The following KMT2B variants were observed in gnomAD, a reference collection of about 807,000 sequenced individuals.
KMT2B encodes lysine methyltransferase 2B, also known as histone-lysine N-methyltransferase 2B.
KMT2B carries 22 observed loss-of-function variants against 255.3 expected under a neutral mutation model. The observed-to-expected ratio is 0.09, with a 90% confidence interval of 0.06 to 0.12. The LOEUF is 0.12. Among genes scored for constraint, KMT2B ranks in the 10% least tolerant of loss-of-function variants. KMT2B has a pLI of 1.00. For synonymous variants in KMT2B, 1,730 were observed against 1,498.1 expected, an observed-to-expected ratio of 1.15 and a Z score of -3.57; for missense variants, 3,149 against 3,737.0, an observed-to-expected ratio of 0.84 and a Z score of 4.10.
At chr19:35,736,595 TG>T in intron 30 of KMT2B, 94 bp from the exon 31 acceptor site, 1 of 1,443,688 alleles carries the variant, frequency 6.9e-7, no homozygotes, top group Non-Finnish European at 9.5e-7. Flanking sequence ...CGCCTAGGGG[TG>T]GAGAGAGTGG....
chr19:35,719,689 C>A, intron 2 of KMT2B, 95 bp from the exon 3 acceptor site: 2 of 1,526,752 alleles, frequency 1.3e-6, no homozygotes, highest in East Asian at 4.5e-5. Flanking sequence ...GCGGGGGAAA[C>A]ACACAAGCAA....
chr19:35,734,006 TA>T, intron 30 of KMT2B, 134 bp downstream of exon 30: 1 of 635,902 alleles, frequency 1.6e-6, no homozygotes, highest in Non-Finnish European at 2.8e-6. Flanking sequence ...GTGCTAGAGT[TA>T]GAGATGACCT....
At position 35,738,551 on chromosome 19, in the gene KMT2B, T is replaced by C. The variant is rs1284725688; in HGVS notation, c.8142T>C (p.Leu2714=). The C allele has an allele frequency of 6.2e-7, 1 of 1,611,676 alleles. No homozygotes were observed. The highest frequency in any genetic ancestry group is 2.2e-5 in the East Asian group (1 of 44,828). Residue 2714 remains leucine (L), a synonymous_variant, in exon 37 of 37, where the codon CTT becomes CTC. Coordinates refer to ENST00000420124, the MANE Select transcript of KMT2B (RefSeq NM_014727.3). This position sits in a 1 kb window ranked among gnomAD's most constrained non-coding sequence, Gnocchi z 8.7. ...NCGAKRCRRF[L]N ...GCGCCAAGCGCTGCCGTCGGTTCCT[T>C]AACTGAGGCCGTGGCTGCCCACCAC...
Position 35,724,918 on chromosome 19 carries a change from A to G in KMT2B, c.3430-71A>G, listed in dbSNP as rs188344975. On this transcript the variant is annotated intron_variant, in intron 9 of 36. Transcript: ENST00000420124. ...GTCTGGGTCCAGTAGGCTGGGGGAAAGGCGGTGAGGAGAGGAGTCTGCATC... is the reference window on the plus strand; with the variant it reads ...GTCTGGGTCCAGTAGGCTGGGGGAAGGGCGGTGAGGAGAGGAGTCTGCATC... 7.1e-5 allele frequency: 88 copies of G among 1,246,030 alleles called. 1 individual carries two copies. The African/African-American group carries it at 1.1e-3, about 15-fold the overall frequency. The allele number at this position is 1,246,030 out of a possible 1,614,324, so 77.2% of individuals were successfully genotyped here.
intron 23 of KMT2B, 61 bp from the exon 24 acceptor site, chr19:35,730,281 T>A (rs1969640535): frequency 1.2e-6 from 2 of 1,604,584 alleles, no homozygotes; most frequent in South Asian, 2.2e-5. Context: ...CTGTTCAGAC[T>A]TCCCTGGCAT....
Position 35,725,367 on chromosome 19 carries a change from C to G in KMT2B, c.3642+34C>G. 1 of 1,558,196 alleles carries G rather than the reference C, an allele frequency of 6.4e-7. No individual in the cohort carries two copies. Among genetic ancestry groups the G allele is most frequent in the Non-Finnish European group, 8.7e-7 (1 of 1,150,172 alleles). ...TCTGCCTTTCTTCACAGACCCCCAGCTCTCTGTCGGTCCTCACGGCCTGAT... is the reference window on the plus strand; with the variant it reads ...TCTGCCTTTCTTCACAGACCCCCAGGTCTCTGTCGGTCCTCACGGCCTGAT... On this transcript the variant is annotated intron_variant, in intron 11 of 36. Transcript: ENST00000420124. The surrounding 1 kb of genome is among the most constrained non-coding windows in gnomAD (Gnocchi z 4.1).
chr19:35,731,871 G>C lies in KMT2B; in HGVS notation c.5438-37G>C, dbSNP rs200828983. 1.5e-5 allele frequency: 22 copies of C among 1,481,192 alleles called. 1 individual carries two copies. The highest frequency in any genetic ancestry group is 1.2e-4 in the Admixed American group (7 of 59,434). The allele number at this position is 1,481,192 out of a possible 1,614,324, so 91.8% of individuals were successfully genotyped here. On this transcript the variant is annotated intron_variant, in intron 26 of 36. Coordinates refer to ENST00000420124, the MANE Select transcript of KMT2B (RefSeq NM_014727.3). ...GCATGTGGGCAGGCTTTGACACAGA[G>C]CCCCTACCACCCCAATGCCATTTCT... is the stretch of plus-strand genomic sequence containing the variant.
Position 35,720,808 on chromosome 19 carries a change from A to G in KMT2B, c.1461A>G (p.Ala487=), listed in dbSNP as rs1372681353. 1 of 1,512,330 alleles carries G rather than the reference A, an allele frequency of 6.6e-7. No individual in the cohort carries two copies. Among genetic ancestry groups the G allele is most frequent in the South Asian group, 1.3e-5 (1 of 77,378 alleles). The allele number at this position is 1,512,330 out of a possible 1,614,324, so 93.7% of individuals were successfully genotyped here. Residue 487 remains alanine, a synonymous_variant, in exon 3 of 37, where the codon GCA becomes GCG. Coordinates refer to ENST00000420124, the MANE Select transcript of KMT2B (RefSeq NM_014727.3). ...SQRAEREAAR[A]GPEGTSPPTP... is the part of the protein sequence containing the mutation. Reference sequence around the variant, plus strand: ...GGGCGGAGCGGGAAGCTGCTCGGGCAGGGCCAGAGGGCACCTCTCCTCCCA... The same window carrying G: ...GGGCGGAGCGGGAAGCTGCTCGGGCGGGGCCAGAGGGCACCTCTCCTCCCA...
chr19:35,731,528 C>G (rs1269374468), intron 26 of KMT2B, among the ~76,000 whole-genome samples: 2 of 152,104 alleles, frequency 1.3e-5, no homozygotes, highest in East Asian at 3.9e-4. Context: ...TTGGGTGGAG[C>G]CAGGTAATGG....
chr19:35,719,861 A>T lies in KMT2B; in HGVS notation c.514A>T (p.Thr172Ser), dbSNP rs532152042. 1 of 1,610,896 alleles carries T rather than the reference A, an allele frequency of 6.2e-7. No individual in the cohort carries two copies. Among genetic ancestry groups the T allele is most frequent in the Non-Finnish European group, 8.5e-7 (1 of 1,179,190 alleles). The change falls in exon 3 of 37, where the codon ACC becomes TCC. Residue 172 changes from threonine to serine, a missense_variant. By Grantham distance (58) the Thr-to-Ser change is moderately conservative (BLOSUM62 1). Transcript: ENST00000420124. ...PPPRLADVAP[T>S]PPKTPARKRG... is the part of the protein sequence containing the mutation. ...TCCTCGCCTAGCAGATGTGGCTCCT[A>T]CCCCCCCAAAGACCCCTGCCCGGAA...
At chr19:35,726,582 T>C (rs1969459428) in intron 14 of KMT2B, among the ~76,000 whole-genome samples, 1 of 152,174 alleles carries the variant, frequency 6.6e-6, no homozygotes, top group South Asian at 2.1e-4. Flanking sequence ...CCCACTGTCT[T>C]GGTGTCTGAG....
chr19:35,736,773 C>T lies in KMT2B; in HGVS notation c.7243C>T (p.Arg2415Cys), dbSNP rs1969932483. The change falls in exon 31 of 37, where the codon CGC becomes TGC. Residue 2415 changes from arginine to cysteine, a missense_variant. Arg to Cys is a radical substitution (Grantham distance 180, BLOSUM62 -3). Transcript: ENST00000420124. ...QAPKRTGPHLRFEISSEDGFS... is the reference protein window; with the variant it reads ...QAPKRTGPHLCFEISSEDGFS... The stretch of plus-strand genomic sequence containing the variant: ...CCCAAAACGGACTGGCCCACATCTG[C>T]GCTTCGAGATCAGCAGTGAGGATGG... 6 of 1,613,938 alleles carry T rather than the reference C, an allele frequency of 3.7e-6. No homozygotes were observed. The highest frequency in any genetic ancestry group is 2.2e-5 in the South Asian group (2 of 91,084).
At position 35,723,707 on chromosome 19, in the gene KMT2B, CCTA is replaced by C; in HGVS notation, c.3059-21_3059-19del. ...CCCATGTCCCTGGCTGAGCTCAAAT[CCTA>C]CTAAGTCCCCTGTTCCCGCAGGCCG... On this transcript the variant is annotated intron_variant, in intron 7 of 36. Transcript: ENST00000420124. This position sits in a 1 kb window ranked among gnomAD's most constrained non-coding sequence, Gnocchi z 7.5. The C allele has an allele frequency of 1.3e-6, 2 of 1,515,180 alleles. No individual in the cohort carries two copies. Among genetic ancestry groups the C allele is most frequent in the Non-Finnish European group, 1.8e-6 (2 of 1,131,330 alleles). The allele number at this position is 1,515,180 out of a possible 1,614,324, so 93.9% of individuals were successfully genotyped here.
chr19:35,737,934 T>C lies in KMT2B; in HGVS notation c.7734T>C (p.Gly2578=), dbSNP rs1969983559. ...HLKKTSKEAV[G]VYRSAIHGRG... is the part of the protein sequence containing the mutation. ...AGAAGACGTCCAAAGAAGCTGTGGGTGTCTACAGGTGAGTGGGGTTGGGGG... is the reference window on the plus strand; with the variant it reads ...AGAAGACGTCCAAAGAAGCTGTGGGCGTCTACAGGTGAGTGGGGTTGGGGG... The change falls in exon 35 of 37, where the codon GGT becomes GGC. Residue 2578 remains glycine, a synonymous_variant. Transcript: ENST00000420124. The surrounding 1 kb of genome is among the most constrained non-coding windows in gnomAD (Gnocchi z 5.3). The C allele has an allele frequency of 6.3e-7, 1 of 1,598,576 alleles. No individual in the cohort carries two copies. The highest frequency in any genetic ancestry group is 1.3e-5 in the African/African-American group (1 of 74,534).
In KMT2B at chr19:35,730,335, C is replaced by T; in HGVS notation, c.5077-7C>T. On this transcript the variant is annotated splice_region_variant and splice_polypyrimidine_tract_variant and intron_variant, in intron 23 of 36. Coordinates refer to ENST00000420124, the MANE Select transcript of KMT2B (RefSeq NM_014727.3). The stretch of plus-strand genomic sequence containing the variant: ...CAGCCACCTCACTTTGCCACCCCCT[C>T]TTCCAGGAAATTGTGAACCCCGATG... 1.9e-6 allele frequency: 3 copies of T among 1,610,014 alleles called. No individual in the cohort carries two copies. The highest frequency in any genetic ancestry group is 2.6e-6 in the Non-Finnish European group (3 of 1,176,462).
Position 35,730,599 on chromosome 19 carries a change from C to T in KMT2B, c.5259C>T (p.Leu1753=). Residue 1753 remains leucine, a synonymous_variant, in exon 25 of 37, where the codon CTC becomes CTT. Transcript: ENST00000420124. ...ATCTCTCGGACTGCGAGGGACGGCTCTTCCCCATTGGCTACCAGTGAGCGG... is the reference window on the plus strand; with the variant it reads ...ATCTCTCGGACTGCGAGGGACGGCTTTTCCCCATTGGCTACCAGTGAGCGG... ...LSDLSDCEGR[L]FPIGYQCSRL... The T allele has an allele frequency of 6.2e-7, 1 of 1,614,062 alleles. No individual in the cohort carries two copies. The highest frequency in any genetic ancestry group is 8.5e-7 in the Non-Finnish European group (1 of 1,179,900).
At position 35,726,270 on chromosome 19, in the gene KMT2B, G is replaced by C. The variant is rs148465274; in HGVS notation, c.3920G>C (p.Gly1307Ala). ...CSACVRCKSC[G>A]ATPGKNWDVE... The stretch of plus-strand genomic sequence containing the variant: ...GCCTGTGTGCGCTGTAAGAGCTGTG[G>C]GGCAACTCCAGGCAAGAACTGGGAC... Residue 1307 changes from glycine (G) to alanine (A), a missense_variant, in exon 14 of 37, where the codon GGG becomes GCG. By Grantham distance (60) the Gly-to-Ala change is moderately conservative (BLOSUM62 0). This residue lies in a region of KMT2B where 377 missense variants were observed against 471.0 expected (regional missense o/e 0.80). Coordinates refer to ENST00000420124, the MANE Select transcript of KMT2B (RefSeq NM_014727.3). The C allele has an allele frequency of 6.2e-7, 1 of 1,613,812 alleles. No individual in the cohort carries two copies. Among genetic ancestry groups the C allele is most frequent in the Non-Finnish European group, 8.5e-7 (1 of 1,179,846 alleles).
chr19:35,732,488 TGGA>T lies in KMT2B; in HGVS notation c.5942_5944del (p.Glu1981del). 5.0e-6 allele frequency: 8 copies of T among 1,613,762 alleles called. No individual in the cohort carries two copies. Among genetic ancestry groups the T allele is most frequent in the Non-Finnish European group, 6.8e-6 (8 of 1,179,814 alleles). On this transcript the variant is annotated inframe_deletion, in exon 28 of 37. Coordinates refer to ENST00000420124, the MANE Select transcript of KMT2B (RefSeq NM_014727.3). ...GACCTGGGCCCAGACTTCGAGGACA[TGGA>T]GGTGGTGTCAGGACTGAGTGCTGCT...
intron 23 of KMT2B, 74 bp downstream of exon 23, chr19:35,730,199 C>A (rs1401061801): frequency 1.9e-6 from 3 of 1,602,836 alleles, no homozygotes; most frequent in Admixed American, 1.7e-5. Context: ...CCCGTGGCCC[C>A]CAGGCCTGGC....
Sources: gnomAD v4.1 joint callset for allele counts (sites outside exome capture counted in the v4.1 genomes callset) on GRCh38, gnomAD v4.1.1 for gene constraint, gnomAD v4.1.1 regional missense constraint, Gnocchi (gnomAD v3.1) non-coding constraint, MANE v1.5 for transcripts, NCBI Gene and HGNC (gene_info 2026-07-23, HGNC 2026-07-21) for gene names.